METTL8: variants seen among roughly 807,000 people sequenced by gnomAD.
METTL8 encodes methyltransferase 8, tRNA N3-cytidine.
Under a neutral mutation model 48.7 loss-of-function variants are expected in METTL8, and 32 were observed. The observed-to-expected ratio is 0.66, with a 90% CI of 0.50 to 0.88. METTL8 has a LOEUF of 0.88. METTL8 is among the 40% of genes least tolerant of loss of function. The pLI is 0.00. For missense variants in METTL8, 464 were observed against 474.4 expected, an observed-to-expected ratio of 0.98 and a Z score of 0.20; for synonymous variants, 136 against 157.1, an observed-to-expected ratio of 0.87 and a Z score of 1.01.
chr2:171,325,781 T>G, intron 9 of METTL8, 60 bp downstream of exon 9: 120 of 1,006,412 alleles, frequency 1.2e-4, no homozygotes, highest in Non-Finnish European at 1.7e-4. Context: ...CTATAATCAA[T>G]GAGATAATAA....
chr2:171,383,077 AAAAC>A (rs767455269), intron 2 of METTL8, among the ~76,000 whole-genome samples: 52 of 152,352 alleles, frequency 3.4e-4, no homozygotes, highest in Middle Eastern at 3.4e-3. Flanking sequence ...CTGTGTGAAA[AAAAC>A]AAACAAACAC....
At chr2:171,343,367 AG>A (rs1686967568) in intron 3 of METTL8, among the ~76,000 whole-genome samples, 1 of 152,072 alleles carries the variant, frequency 6.6e-6, no homozygotes. Context: ...TGAACCCGGG[AG>A]GCGGAGGTTG....
Position 171,317,304 on chromosome 2 carries a change from T to C in METTL8, c.*6868A>G, listed in dbSNP as rs997528485. 3.9e-5 allele frequency: 6 copies of C among 152,174 alleles called. No homozygotes were observed. Among genetic ancestry groups the C allele is most frequent in the African/African-American group, 1.2e-4 (5 of 41,418 alleles). The allele number at this position is 152,174 out of a possible 1,614,324, so 9.4% of individuals were successfully genotyped here. A position where few individuals can be genotyped will look rare whatever the true frequency, so the allele number is the denominator to read the frequency against. The stretch of plus-strand genomic sequence containing the variant: ...TCTGCAATGAACTAGGAGCAATGGA[T>C]TGAAAATATTTGGCCAAATAATTTT... On this transcript the variant is annotated 3_prime_UTR_variant, in exon 10 of 10. Transcript: ENST00000375258.
At chr2:171,414,001 T>C (rs1691019056) in intron 1 of METTL8, among the ~76,000 whole-genome samples, 1 of 152,110 alleles carries the variant, frequency 6.6e-6, no homozygotes, top group South Asian at 2.1e-4. Context: ...GAAGAATATA[T>C]TAAGGATTTG....
At chr2:171,361,144 T>C (rs1270155592) in intron 2 of METTL8, among the ~76,000 whole-genome samples, 1 of 152,138 alleles carries the variant, frequency 6.6e-6, no homozygotes, top group African/African-American at 2.4e-5. Flanking sequence ...ACTCTCCCTA[T>C]ATGAGAAGAT....
At chr2:171,410,252 G>C (rs532512470) in intron 1 of METTL8, among the ~76,000 whole-genome samples, 14 of 152,298 alleles carry the variant, frequency 9.2e-5, no homozygotes, top group African/African-American at 3.4e-4. Flanking sequence ...AACCAGGCTA[G>C]TCCACACATG....
At chr2:171,365,119 A>C (rs1472881839) in intron 2 of METTL8, among the ~76,000 whole-genome samples, 2 of 152,118 alleles carry the variant, frequency 1.3e-5, no homozygotes, top group East Asian at 3.9e-4. Flanking sequence ...GCATCTGAGG[A>C]GAAAAGTCTC....
chr2:171,396,890 A>G (rs901994683), intron 1 of METTL8, among the ~76,000 whole-genome samples: 1 of 150,044 alleles, frequency 6.7e-6, no homozygotes, highest in African/African-American at 2.5e-5. Flanking sequence ...GTCTTGTTCT[A>G]TCACCCAGAC....
At chr2:171,378,007 C>A (rs1012280313) in intron 2 of METTL8, among the ~76,000 whole-genome samples, 4 of 152,154 alleles carry the variant, frequency 2.6e-5, no homozygotes, top group African/African-American at 9.7e-5. Context: ...ATCTAAATGC[C>A]CATCAACCAA....
intron 5 of METTL8, among the ~76,000 whole-genome samples, chr2:171,332,987 A>C (rs777873929): frequency 2.7e-4 from 39 of 145,474 alleles, no homozygotes; most frequent in Non-Finnish European, 5.2e-4. Flanking sequence ...CTGACTCAAG[A>C]AGCATTCCAA....
chr2:171,360,599 A>G, intron 2 of METTL8, 86 bp from the exon 3 acceptor site: 1 of 1,138,324 alleles, frequency 8.8e-7, no homozygotes, highest in Admixed American at 2.2e-5. Flanking sequence ...CTTTCATTCT[A>G]GATTAGCTGA....
rs950024657 is a variant in METTL8 at position 171,400,039 on chromosome 2, A to AT, written c.-12-7843dup. 2.9e-4 allele frequency among the ~76,000 whole-genome samples: 44 copies of AT among 151,472 alleles called. 1 individual carries two copies. The highest frequency in any genetic ancestry group is 6.3e-4 in the South Asian group (3 of 4,770). ...CCAATATCTCTTCCATGTAAATTTC[A>AT]TTTTTTTTTAAAAAAGTTAAATATT... On this transcript the variant is annotated intron_variant, in intron 1 of 9. Coordinates refer to ENST00000375258, the MANE Select transcript of METTL8 (RefSeq NM_001321154.2).
intron 3 of METTL8, among the ~76,000 whole-genome samples, chr2:171,343,531 G>A (rs1686989032): frequency 6.6e-6 from 1 of 151,764 alleles, no homozygotes; most frequent in African/African-American, 2.4e-5. Flanking sequence ...TACATTGATG[G>A]CAGCTCTAAA....
In METTL8 at chr2:171,342,223, C is replaced by T. The variant is rs142698957; in HGVS notation, c.236-2669G>A. On this transcript the variant is annotated intron_variant, in intron 3 of 9. Coordinates refer to ENST00000375258, the MANE Select transcript of METTL8 (RefSeq NM_001321154.2). The stretch of plus-strand genomic sequence containing the variant: ...GATCTCCACCCATCTGGCCACAAGA[C>T]TTCCTTCCCATCAAGGCTGAATTGT... Among the ~76,000 whole-genome samples, 632 of 152,314 alleles carry T rather than the reference C, an allele frequency of 4.1e-3. 3 individuals are homozygous for T. Among genetic ancestry groups the T allele is most frequent in the Non-Finnish European group, 6.5e-3 (440 of 68,022 alleles).
At chr2:171,350,277 A>G (rs1683756828) in intron 3 of METTL8, among the ~76,000 whole-genome samples, 1 of 152,120 alleles carries the variant, frequency 6.6e-6, no homozygotes, top group Non-Finnish European at 1.5e-5. Context: ...CCACGTCCCT[A>G]CAAAGGACAT....
intron 1 of METTL8, among the ~76,000 whole-genome samples, chr2:171,397,602 A>G (rs1270185058): frequency 6.6e-6 from 1 of 150,388 alleles, no homozygotes. Flanking sequence ...AGGAGGGAAA[A>G]TGAGCAAAGC....
chr2:171,370,509 G>A (rs919496169), intron 2 of METTL8, among the ~76,000 whole-genome samples: 6 of 151,600 alleles, frequency 4.0e-5, no homozygotes, highest in Non-Finnish European at 8.8e-5. Context: ...AACAGCATAC[G>A]GGCTGGGCAC....
intron 2 of METTL8, among the ~76,000 whole-genome samples, chr2:171,370,366 A>G (rs758816189): frequency 2.6e-5 from 4 of 152,170 alleles, no homozygotes; most frequent in Non-Finnish European, 5.9e-5. Context: ...TTGTTCATTT[A>G]TCAATTATTA....
chr2:171,335,447 G>GA (rs1230285062), intron 5 of METTL8, among the ~76,000 whole-genome samples: 3 of 152,030 alleles, frequency 2.0e-5, no homozygotes, highest in Non-Finnish European at 4.4e-5. Context: ...TTTTGAGACA[G>GA]AGTCTCTTGC....
Sources: allele counts gnomAD v4.1 joint callset (sites outside exome capture counted in the v4.1 genomes callset), GRCh38; gene constraint gnomAD v4.1.1; transcripts MANE v1.5; gene names NCBI Gene and HGNC (gene_info 2026-07-23, HGNC 2026-07-21).